INHA: variants seen among roughly 807,000 people sequenced by gnomAD.
INHA encodes the protein inhibin alpha chain.
A neutral mutation model predicts 21.3 loss-of-function variants in INHA; 8 were observed. The observed-to-expected ratio is 0.38, with a 90% CI of 0.22 to 0.68. The LOEUF is 0.68. Ranked by LOEUF, INHA falls within the 30% of genes least tolerant of loss-of-function variation. The probability of loss-of-function intolerance (pLI) is 0.53; values close to 1 mark genes in which losing one functional copy is unlikely to be tolerated. For synonymous variants in INHA, 231 were observed against 207.5 expected (o/e 1.11, Z -0.97); for missense variants, 436 against 465.8 (o/e 0.94, Z 0.59).
intron 1 of INHA, among the ~76,000 whole-genome samples, chr2:219,574,016 C>T (rs191911435): frequency 5.5e-4 from 82 of 149,430 alleles, no homozygotes; most frequent in Middle Eastern, 3.6e-3. Flanking sequence ...TGATGGCTCA[C>T]GCCTATAATC....
Position 219,575,599 on chromosome 2 carries a change from C to A in INHA, c.*73C>A. 2.3e-6 allele frequency: 3 copies of A among 1,287,244 alleles called. No homozygotes were observed. Among genetic ancestry groups the A allele is most frequent in the Non-Finnish European group, 3.4e-6 (3 of 892,584 alleles). 79.7% of individuals were successfully genotyped at this position (1,287,244 alleles called of 1,614,324 possible). Reference sequence around the variant, plus strand: ...CACCATCATCAGCTGGGAGGAAAGGCAGAGTTGGGAAATAGATGGCTCCCA... The same window carrying A: ...CACCATCATCAGCTGGGAGGAAAGGAAGAGTTGGGAAATAGATGGCTCCCA... On this transcript the variant is annotated 3_prime_UTR_variant, in exon 2 of 2. Coordinates refer to ENST00000243786, the MANE Select transcript of INHA (RefSeq NM_002191.4).
intron 1 of INHA, among the ~76,000 whole-genome samples, chr2:219,574,336 T>C (rs1697483740): frequency 6.6e-6 from 1 of 151,822 alleles, no homozygotes; most frequent in Non-Finnish European, 1.5e-5. Flanking sequence ...TTCAGGATAC[T>C]GTTTCACACT....
In INHA at chr2:219,575,409, T is replaced by C. The variant is rs766589641; in HGVS notation, c.984T>C (p.Cys328=). The C allele has an allele frequency of 1.1e-5, 17 of 1,613,996 alleles. No individual in the cohort carries two copies. Among genetic ancestry groups the C allele is most frequent in the Non-Finnish European group, 1.4e-5 (16 of 1,179,968 alleles). The part of the protein sequence containing the change: ...YSLLPGAQPC[C]AALPGTMRPL... Reference sequence around the variant, plus strand: ...TGCTGCCAGGGGCCCAGCCCTGCTGTGCTGCTCTCCCAGGGACCATGAGGC... The same window carrying C: ...TGCTGCCAGGGGCCCAGCCCTGCTGCGCTGCTCTCCCAGGGACCATGAGGC... Residue 328 remains cysteine, a synonymous_variant, in exon 2 of 2, where the codon TGT becomes TGC. Transcript: ENST00000243786.
At position 219,575,556 on chromosome 2, in the gene INHA, G is replaced by A; in HGVS notation, c.*30G>A. On this transcript the variant is annotated 3_prime_UTR_variant, in exon 2 of 2. Transcript: ENST00000243786. ...GGGGGGTCTTCCTTCTTAATCCCAT[G>A]GCTGGTGGCCACGCCCCCACCATCA... is the stretch of plus-strand genomic sequence containing the variant. 1 of 1,566,920 alleles carries A rather than the reference G, an allele frequency of 6.4e-7. No homozygotes were observed. Among genetic ancestry groups the A allele is most frequent in the African/African-American group, 1.3e-5 (1 of 74,136 alleles).
chr2:219,572,969 C>T (rs909981000), intron 1 of INHA, among the ~76,000 whole-genome samples: 2 of 152,250 alleles, frequency 1.3e-5, no homozygotes, highest in African/African-American at 4.8e-5. Flanking sequence ...CCTCCTATCT[C>T]TGCCTCTGCT....
At position 219,574,677 on chromosome 2, in the gene INHA, TCTTCTGTCTC is replaced by T; in HGVS notation, c.269-14_269-5del. ...CCAGTCAGGGCTGCCCTCTCCCTTT[TCTTCTGTCTC>T]CTGCAGATGCCAGCTGTGAGGACAA... is the stretch of plus-strand genomic sequence containing the variant. On this transcript the variant is annotated splice_polypyrimidine_tract_variant and splice_region_variant and intron_variant, in intron 1 of 1. Coordinates refer to ENST00000243786, the MANE Select transcript of INHA (RefSeq NM_002191.4). 1 of 1,598,366 alleles carries T rather than the reference TCTTCTGTCTC, an allele frequency of 6.3e-7. No individual in the cohort carries two copies. Among genetic ancestry groups the T allele is most frequent in the Non-Finnish European group, 8.5e-7 (1 of 1,172,398 alleles).
chr2:219,572,316 C>T lies in INHA; in HGVS notation c.-59C>T. 5 of 1,611,920 alleles carry T rather than the reference C, an allele frequency of 3.1e-6. No individual in the cohort carries two copies. The highest frequency in any genetic ancestry group is 4.2e-6 in the Non-Finnish European group (5 of 1,179,480). The stretch of plus-strand genomic sequence containing the variant: ...GAGAGTGGAAAGGCCCTGGGCAGAC[C>T]CTGGCAGAAGGGGCACGGGGCAGGG... On this transcript the variant is annotated 5_prime_UTR_variant, in exon 1 of 2. Coordinates refer to ENST00000243786, the MANE Select transcript of INHA (RefSeq NM_002191.4).
Position 219,575,257 on chromosome 2 carries a change from C to T in INHA, c.832C>T (p.Arg278Trp), listed in dbSNP as rs188445071. The T allele has an allele frequency of 1.9e-4, 299 of 1,614,224 alleles. 1 individual carries two copies. The highest frequency in any genetic ancestry group is 1.6e-4 in the Middle Eastern group (1 of 6,062). ...CTCCTTCCAGGAGCTGGGCTGGGAA[C>T]GGTGGATCGTGTACCCTCCCAGTTT... is the stretch of plus-strand genomic sequence containing the variant. The part of the protein sequence containing the change: ...NISFQELGWE[R>W]WIVYPPSFIF... The change falls in exon 2 of 2, where the codon CGG becomes TGG. Residue 278 changes from arginine to tryptophan, a missense_variant. Transcript: ENST00000243786.
Position 219,575,429 on chromosome 2 carries a change from T to C in INHA, c.1004T>C (p.Met335Thr), listed in dbSNP as rs140659175. ...TGCTGTGCTGCTCTCCCAGGGACCA[T>C]GAGGCCCCTACATGTCCGCACCACC... Reference protein sequence around the residue: ...QPCCAALPGTMRPLHVRTTSD... With the variant: ...QPCCAALPGTTRPLHVRTTSD... Residue 335 changes from methionine to threonine, a missense_variant, in exon 2 of 2, where the codon ATG (methionine) becomes ACG (threonine). By Grantham distance (81) the Met-to-Thr change is moderately conservative. Coordinates refer to ENST00000243786, the MANE Select transcript of INHA (RefSeq NM_002191.4). 53 of 1,613,882 alleles carry C rather than the reference T, an allele frequency of 3.3e-5. No homozygotes were observed. The African/African-American group carries it at 6.7e-4, about 20-fold the overall frequency.
At chr2:219,572,714 G>T in intron 1 of INHA, 72 bp downstream of exon 1, 1 of 1,520,506 alleles carries the variant, frequency 6.6e-7, no homozygotes. Context: ...TGCAGGCCAG[G>T]CGGACCTGGG....
chr2:219,575,105 G>A lies in INHA; in HGVS notation c.680G>A (p.Gly227Glu). ...ACTCGGACCAGACCACCCAGTGGAGGGGAGAGAGCCCGACGCTCAACTCCC... is the reference window on the plus strand; with the variant it reads ...ACTCGGACCAGACCACCCAGTGGAGAGGAGAGAGCCCGACGCTCAACTCCC... ...AHTRTRPPSG[G>E]ERARRSTPLM... Residue 227 changes from glycine to glutamate, a missense_variant, in exon 2 of 2, where the codon GGG (glycine) becomes GAG (glutamate). By Grantham distance (98) the Gly-to-Glu change is moderately conservative (BLOSUM62 -2). Transcript: ENST00000243786. 1.2e-6 allele frequency: 2 copies of A among 1,614,110 alleles called. No individual in the cohort carries two copies. The highest frequency in any genetic ancestry group is 1.6e-4 in the Middle Eastern group (1 of 6,062).
At chr2:219,572,817 C>T (rs1697444159) in intron 1 of INHA, among the ~76,000 whole-genome samples, 175 bp downstream of exon 1, 1 of 152,252 alleles carries the variant, frequency 6.6e-6, no homozygotes, top group African/African-American at 2.4e-5. Context: ...GTAAAATGGG[C>T]TAATGCCCAC....
rs1342330013 is a variant in INHA at position 219,575,566 on chromosome 2, C to T, written c.*40C>T. The T allele has an allele frequency of 6.7e-7, 1 of 1,493,090 alleles. No individual in the cohort carries two copies. The highest frequency in any genetic ancestry group is 9.3e-7 in the Non-Finnish European group (1 of 1,074,146). 92.5% of individuals were successfully genotyped at this position (1,493,090 alleles called of 1,614,324 possible). A position where few individuals can be genotyped will look rare whatever the true frequency, so the allele number is the denominator to read the frequency against. ...CCTTCTTAATCCCATGGCTGGTGGC[C>T]ACGCCCCCACCATCATCAGCTGGGA... On this transcript the variant is annotated 3_prime_UTR_variant, in exon 2 of 2. Transcript: ENST00000243786.
At position 219,572,458 on chromosome 2, in the gene INHA, T is replaced by A. The variant is rs776306807; in HGVS notation, c.84T>A (p.Leu28=). ...SCQGLELARE[L]VLAKVRALFL... ...AGGGGCTGGAGCTGGCCCGGGAACT[T>A]GTTCTGGCCAAGGTGAGGGCCCTGT... is the stretch of plus-strand genomic sequence containing the variant. Residue 28 remains leucine (L), a synonymous_variant, in exon 1 of 2, where the codon CTT becomes CTA. Coordinates refer to ENST00000243786, the MANE Select transcript of INHA (RefSeq NM_002191.4). The A allele has an allele frequency of 1.2e-6, 2 of 1,613,876 alleles. No homozygotes were observed. Among genetic ancestry groups the A allele is most frequent in the Non-Finnish European group, 1.7e-6 (2 of 1,179,990 alleles).
chr2:219,572,407 G>A lies in INHA; in HGVS notation c.33G>A (p.Leu11=), dbSNP rs372943602. 7.4e-6 allele frequency: 12 copies of A among 1,614,044 alleles called. No homozygotes were observed. The highest frequency in any genetic ancestry group is 5.3e-5 in the African/African-American group (4 of 75,060). ...TGCACCTACTGCTCTTCTTGCTGCT[G>A]ACCCCACAGGGTGGGCACAGCTGCC... The part of the protein sequence containing the change: MVLHLLLFLL[L]TPQGGHSCQG... Residue 11 remains leucine, a synonymous_variant, in exon 1 of 2, where the codon CTG becomes CTA. Coordinates refer to ENST00000243786, the MANE Select transcript of INHA (RefSeq NM_002191.4).
At position 219,574,603 on chromosome 2, in the gene INHA, G is replaced by A; in HGVS notation, c.269-91G>A. 2.8e-6 allele frequency: 3 copies of A among 1,086,118 alleles called. No individual in the cohort carries two copies. In the African/African-American group the frequency reaches 4.7e-5, roughly 17 times the overall value. The allele number at this position is 1,086,118 out of a possible 1,614,324, so 67.3% of individuals were successfully genotyped here. ...AGAGTGCAGCCCATCATTGGCTCAT[G>A]ACTGGTGGCCACATCCCTCCTGCTG... On this transcript the variant is annotated intron_variant, in intron 1 of 1. Transcript: ENST00000243786.
At position 219,574,816 on chromosome 2, in the gene INHA, C is replaced by T; in HGVS notation, c.391C>T (p.Leu131=). ...TRSRQVTSAQ[L]WFHTGLDRQG... The stretch of plus-strand genomic sequence containing the variant: ...CAGCCGCCAGGTGACTTCAGCCCAG[C>T]TGTGGTTCCACACCGGGCTGGACAG... Residue 131 remains leucine (L), a synonymous_variant, in exon 2 of 2, where the codon CTG becomes TTG. Transcript: ENST00000243786. 1 of 1,614,134 alleles carries T rather than the reference C, an allele frequency of 6.2e-7. No individual in the cohort carries two copies. Among genetic ancestry groups the T allele is most frequent in the Non-Finnish European group, 8.5e-7 (1 of 1,179,996 alleles).
Position 219,572,357 on chromosome 2 carries a change from A to C in INHA, c.-18A>C. 1 of 1,613,500 alleles carries C rather than the reference A, an allele frequency of 6.2e-7. No individual in the cohort carries two copies. Among genetic ancestry groups the C allele is most frequent in the Non-Finnish European group, 8.5e-7 (1 of 1,180,014 alleles). On this transcript the variant is annotated 5_prime_UTR_variant, in exon 1 of 2. Coordinates refer to ENST00000243786, the MANE Select transcript of INHA (RefSeq NM_002191.4). Reference sequence around the variant, plus strand: ...CGGGGCAGGGTGTGAGTTCCCCACTAGCAGGGCCAGGTGAGCTATGGTGCT... The same window carrying C: ...CGGGGCAGGGTGTGAGTTCCCCACTCGCAGGGCCAGGTGAGCTATGGTGCT...
rs560985914 is a variant in INHA, at chr2:219,572,478, C to G, written c.104C>G (p.Ala35Gly). The change falls in exon 1 of 2, where the codon GCC becomes GGC. Residue 35 changes from alanine to glycine, a missense_variant. By Grantham distance (60) the Ala-to-Gly change is moderately conservative (BLOSUM62 0). Transcript: ENST00000243786. Reference sequence around the variant, plus strand: ...GAACTTGTTCTGGCCAAGGTGAGGGCCCTGTTCTTGGATGCCTTGGGGCCC... The same window carrying G: ...GAACTTGTTCTGGCCAAGGTGAGGGGCCTGTTCTTGGATGCCTTGGGGCCC... ...ARELVLAKVRALFLDALGPPA... is the reference protein window; with the variant it reads ...ARELVLAKVRGLFLDALGPPA... 6.2e-7 allele frequency: 1 copy of G among 1,613,640 alleles called. No individual in the cohort carries two copies. The highest frequency in any genetic ancestry group is 8.5e-7 in the Non-Finnish European group (1 of 1,179,854).
Sources: allele counts gnomAD v4.1 joint callset (sites outside exome capture counted in the v4.1 genomes callset), GRCh38; gene constraint gnomAD v4.1.1; transcripts MANE v1.5; gene names NCBI Gene and HGNC (gene_info 2026-07-23, HGNC 2026-07-21).